CCDC150: variants seen among roughly 807,000 people sequenced by gnomAD.
The protein encoded by CCDC150 is coiled-coil domain containing 150.
A neutral mutation model predicts 156.5 loss-of-function variants in CCDC150; 151 were observed. That is an observed-to-expected ratio of 0.97 (90% CI 0.85 to 1.10). The LOEUF (loss-of-function observed/expected upper bound fraction) is 1.10, where lower values mean the gene tolerates loss of function less well. CCDC150 is among the 50% of genes least tolerant of loss of function. The pLI, the probability that CCDC150 is intolerant of heterozygous loss-of-function variation, is 0.00. For missense variants in CCDC150, 1,312 were observed against 1,268.1 expected (o/e 1.03, Z -0.53); for synonymous variants, 452 against 429.4 (o/e 1.05, Z -0.65).
At chr2:196,717,757 G>A (rs1393842477) in intron 17 of CCDC150, among the ~76,000 whole-genome samples, 2 of 152,074 alleles carry the variant, frequency 1.3e-5, no homozygotes, top group Admixed American at 1.3e-4. Context: ...TGGTATGATA[G>A]TGCACACCTG....
intron 10 of CCDC150, among the ~76,000 whole-genome samples, chr2:196,675,318 C>T (rs982415430): frequency 6.6e-6 from 1 of 151,924 alleles, no homozygotes; most frequent in Non-Finnish European, 1.5e-5. Flanking sequence ...AGACAAAATT[C>T]CTACTTTCAT....
intron 17 of CCDC150, among the ~76,000 whole-genome samples, chr2:196,717,901 A>C (rs1252244631): frequency 7.2e-6 from 1 of 138,828 alleles, no homozygotes; most frequent in Non-Finnish European, 1.6e-5. Flanking sequence ...AAAAAAAAAA[A>C]AGCAGGATGA....
intron 20 of CCDC150, 21 bp downstream of exon 20, chr2:196,720,689 A>G: frequency 6.3e-7 from 1 of 1,594,628 alleles, no homozygotes; most frequent in African/African-American, 1.3e-5. Flanking sequence ...GGCTTTAAAA[A>G]ATGATAACAT....
intron 1 of CCDC150, among the ~76,000 whole-genome samples, chr2:196,640,998 C>T (rs911171698): frequency 1.3e-5 from 2 of 151,992 alleles, no homozygotes; most frequent in African/African-American, 2.4e-5. Context: ...AACGGAGTCT[C>T]GCTCTGTCGC....
At chr2:196,688,226 A>G (rs920947404) in intron 13 of CCDC150, among the ~76,000 whole-genome samples, 1 of 152,126 alleles carries the variant, frequency 6.6e-6, no homozygotes, top group African/African-American at 2.4e-5. Flanking sequence ...GATTCTTCTT[A>G]TCCATGAGCA....
chr2:196,674,369 C>G, intron 10 of CCDC150, 21 bp downstream of exon 10: 1 of 1,504,694 alleles, frequency 6.6e-7, no homozygotes, highest in South Asian at 1.2e-5. Flanking sequence ...AACATGAAAG[C>G]CAACCAGAAA....
chr2:196,707,893 T>C lies in CCDC150; in HGVS notation c.1696-4252T>C, dbSNP rs183171251. On this transcript the variant is annotated intron_variant, in intron 15 of 27. Transcript: ENST00000389175. ...AGACAGTTTGTTGTGATTTCTGTTC[T>C]TTTACATTTGCTGAGGAGTGCTTTA... 9.8e-4 allele frequency among the ~76,000 whole-genome samples: 149 copies of C among 152,354 alleles called. No homozygotes were observed. The East Asian group carries it at 0.019, about 20-fold the overall frequency.
Position 196,732,462 on chromosome 2 carries a change from A to G in CCDC150, c.3206A>G (p.His1069Arg). 2 of 1,613,206 alleles carry G rather than the reference A, an allele frequency of 1.2e-6. No homozygotes were observed. Among genetic ancestry groups the G allele is most frequent in the Non-Finnish European group, 1.7e-6 (2 of 1,179,326 alleles). ...TTCCAACAGGACCAAGATGTAAAAC[A>G]TGATGTCATGTCCAACCAATCTGTT... is the stretch of plus-strand genomic sequence containing the variant. ...RWQEKDQDVKHDVMSNQSVLH... is the reference protein window; with the variant it reads ...RWQEKDQDVKRDVMSNQSVLH... Residue 1069 changes from histidine to arginine, a missense_variant, in exon 28 of 28, where the codon CAT becomes CGT. By Grantham distance (29) the His-to-Arg change is conservative. Transcript: ENST00000389175.
chr2:196,673,277 G>A (rs574031339), intron 9 of CCDC150, among the ~76,000 whole-genome samples: 3 of 152,160 alleles, frequency 2.0e-5, no homozygotes, highest in Non-Finnish European at 2.9e-5. Context: ...AGATAAGGAA[G>A]CTGATGTACA....
intron 13 of CCDC150, among the ~76,000 whole-genome samples, chr2:196,692,571 T>G (rs780757799): frequency 9.2e-5 from 14 of 152,258 alleles, no homozygotes; most frequent in Non-Finnish European, 2.1e-4. Context: ...TTTGCCTTAA[T>G]TTCATTACTT....
chr2:196,640,720 A>G (rs1300380704), intron 1 of CCDC150, among the ~76,000 whole-genome samples: 2 of 152,208 alleles, frequency 1.3e-5, no homozygotes, highest in Admixed American at 6.5e-5. Context: ...AGCAAAAGCT[A>G]TCTTTCAAGT....
At chr2:196,649,474 G>A (rs185843523) in intron 2 of CCDC150, among the ~76,000 whole-genome samples, 120 of 152,244 alleles carry the variant, frequency 7.9e-4, no homozygotes, top group African/African-American at 2.7e-3. Flanking sequence ...ACAGTTGCCC[G>A]CAGTATGCAA....
intron 2 of CCDC150, among the ~76,000 whole-genome samples, chr2:196,647,842 C>T (rs1265536513): frequency 6.6e-6 from 1 of 152,096 alleles, no homozygotes; most frequent in African/African-American, 2.4e-5. Flanking sequence ...CAGTGGATGG[C>T]TAGAACTTAT....
intron 26 of CCDC150, 121 bp downstream of exon 26, chr2:196,731,066 A>G (rs1469826150): frequency 3.1e-6 from 2 of 641,902 alleles, no homozygotes; most frequent in Non-Finnish European, 5.4e-6. Flanking sequence ...ACAGGGAAGA[A>G]CGAGTAACTT....
chr2:196,674,302 C>A lies in CCDC150; in HGVS notation c.1091C>A (p.Thr364Asn). The A allele has an allele frequency of 6.2e-7, 1 of 1,604,154 alleles. No homozygotes were observed. Residue 364 changes from threonine to asparagine, a missense_variant, in exon 10 of 28, where the codon ACT (threonine) becomes AAT (asparagine). By Grantham distance (65) the Thr-to-Asn change is moderately conservative. Transcript: ENST00000389175. Reference protein sequence around the residue: ...SELSCMLQTVTMEKARIIADH... With the variant: ...SELSCMLQTVNMEKARIIADH... The stretch of plus-strand genomic sequence containing the variant: ...TTGAGCTGCATGCTTCAGACTGTTA[C>A]TATGGAAAAAGCCAGAATCATTGCT...
intron 2 of CCDC150, among the ~76,000 whole-genome samples, chr2:196,655,897 GC>G (rs1693157457): frequency 6.6e-6 from 1 of 152,074 alleles, no homozygotes; most frequent in African/African-American, 2.4e-5. Flanking sequence ...AGGCTTGGGG[GC>G]TGCCAAGCTC....
In CCDC150 at chr2:196,716,677, A is replaced by G. The variant is rs73045579; in HGVS notation, c.1867-1826A>G. ...CTTTTGGAGATGATGGAAATGTTCA[A>G]TATCTTAATTATTGTTTCAAAGTCT... On this transcript the variant is annotated intron_variant, in intron 17 of 27. Transcript: ENST00000389175. Among the ~76,000 whole-genome samples, 440 of 152,304 alleles carry G rather than the reference A, an allele frequency of 2.9e-3. 1 individual carries two copies. The highest frequency in any genetic ancestry group is 9.8e-3 in the African/African-American group (408 of 41,566).
chr2:196,710,198 C>T (rs941054895), intron 15 of CCDC150, among the ~76,000 whole-genome samples: 1 of 152,238 alleles, frequency 6.6e-6, no homozygotes, highest in Non-Finnish European at 1.5e-5. Flanking sequence ...GCTTTGTTTA[C>T]CTACTCAAGC....
At chr2:196,719,864 CT>C (rs1332166062) in intron 19 of CCDC150, 198 bp downstream of exon 19, 4 of 415,692 alleles carry the variant, frequency 9.6e-6, no homozygotes, top group Non-Finnish European at 1.3e-5. Flanking sequence ...CAAAATGCCC[CT>C]ATTGTGTAGT....
Sources: allele counts gnomAD v4.1 joint callset (sites outside exome capture counted in the v4.1 genomes callset), GRCh38; gene constraint gnomAD v4.1.1; transcripts MANE v1.5; gene names NCBI Gene and HGNC (gene_info 2026-07-23, HGNC 2026-07-21).